The following FGR variants were observed in gnomAD, a reference collection of about 807,000 sequenced individuals.
FGR encodes FGR proto-oncogene, Src family tyrosine kinase.
In FGR, 26 loss-of-function variants were observed where a neutral mutation model predicts 63.2. The ratio of observed to expected loss-of-function variants is 0.41; its 90% confidence interval spans 0.30 to 0.57. FGR has a LOEUF of 0.57. Ranked by LOEUF, FGR falls within the 20% of genes least tolerant of loss-of-function variation. FGR has a pLI of 0.27. For missense variants in FGR, 511 were observed against 690.8 expected (o/e 0.74, Z 2.92); for synonymous variants, 286 against 277.7 (o/e 1.03, Z -0.30).
chr1:27,627,520 A>G (rs1327965969), intron 1 of FGR, among the ~76,000 whole-genome samples: 8 of 152,096 alleles, frequency 5.3e-5, no homozygotes, highest in African/African-American at 1.9e-4. Context: ...TATAGCGCTT[A>G]CTATATGCGC....
At chr1:27,631,002 C>T (rs982824560) in intron 1 of FGR, among the ~76,000 whole-genome samples, 1 of 152,192 alleles carries the variant, frequency 6.6e-6, no homozygotes. Flanking sequence ...GGCTTCATGA[C>T]ATGTGGCTCT....
Position 27,613,133 on chromosome 1 carries a change from G to T in FGR, c.1382-11C>A, listed in dbSNP as rs2089727005. ...CCCGTTTATTCATGCCTGAAGGATG[G>T]GTCTCTGTCAGTCAAAGGGACAGCC... On this transcript the variant is annotated splice_polypyrimidine_tract_variant and intron_variant, in intron 12 of 12. Transcript: ENST00000374005. 1 of 1,612,852 alleles carries T rather than the reference G, an allele frequency of 6.2e-7. No individual in the cohort carries two copies. The highest frequency in any genetic ancestry group is 8.5e-7 in the Non-Finnish European group (1 of 1,179,000).
In FGR at chr1:27,617,168, C is replaced by T; in HGVS notation, c.532+25G>A. 1 of 1,609,438 alleles carries T rather than the reference C, an allele frequency of 6.2e-7. No homozygotes were observed. Among genetic ancestry groups the T allele is most frequent in the Non-Finnish European group, 8.5e-7 (1 of 1,175,858 alleles). Reference sequence around the variant, plus strand: ...CCCCAATGGCTGGGCCTCCCAGTCGCCTTGGGGCGTGGCACCACCCCTACC... The same window carrying T: ...CCCCAATGGCTGGGCCTCCCAGTCGTCTTGGGGCGTGGCACCACCCCTACC... On this transcript the variant is annotated intron_variant, in intron 6 of 12. Coordinates refer to ENST00000374005, the MANE Select transcript of FGR (RefSeq NM_005248.3). The surrounding 1 kb of genome is among the most constrained non-coding windows in gnomAD (Gnocchi z 4.5).
At chr1:27,625,343 C>T (rs1262315325) in intron 1 of FGR, among the ~76,000 whole-genome samples, 192 bp from the exon 2 acceptor site, 1 of 152,202 alleles carries the variant, frequency 6.6e-6, no homozygotes, top group Non-Finnish European at 1.5e-5. Flanking sequence ...AAACCACCCA[C>T]ACCAGCTCTC....
intron 4 of FGR, 41 bp downstream of exon 4, chr1:27,623,001 C>CA (rs748615895): frequency 7.0e-6 from 10 of 1,436,224 alleles, no homozygotes; most frequent in Non-Finnish European, 9.8e-6. Context: ...GTCCTGCTCC[C>CA]AGCCCAGGCA....
intron 5 of FGR, among the ~76,000 whole-genome samples, chr1:27,618,210 A>G (rs909703067): frequency 5.3e-5 from 8 of 152,144 alleles, no homozygotes; most frequent in African/African-American, 1.9e-4. Context: ...GGACGGAGGA[A>G]GTGTTGAGGG....
At chr1:27,630,050 AT>A (rs201309223) in intron 1 of FGR, among the ~76,000 whole-genome samples, 5,893 of 151,772 alleles carry the variant, frequency 0.039, 241 homozygotes, top group African/African-American at 0.11. Flanking sequence ...ACATTATGAG[AT>A]TTTTTTTGTG....
intron 2 of FGR, 57 bp downstream of exon 2, chr1:27,625,032 G>A (rs2089996512): frequency 1.3e-5 from 2 of 152,574 alleles, no homozygotes; most frequent in South Asian, 4.1e-4. Context: ...TGGGGTTCAG[G>A]AAGGCCACCC....
At chr1:27,613,694 CAAAAAAAA>C (rs56363244) in intron 11 of FGR, among the ~76,000 whole-genome samples, 20,770 of 74,140 alleles carry the variant, frequency 0.28, 2,025 homozygotes, top group Non-Finnish European at 0.37. Flanking sequence ...GACTCCATCT[CAAAAAAAA>C]AAAAAAAAAA....
intron 11 of FGR, among the ~76,000 whole-genome samples, chr1:27,613,651 C>T (rs1266072738): frequency 2.1e-5 from 3 of 145,708 alleles, no homozygotes; most frequent in East Asian, 4.0e-4. Flanking sequence ...AACCTGAGAT[C>T]GCACCACTGC....
At chr1:27,630,383 A>G (rs1257111040) in intron 1 of FGR, among the ~76,000 whole-genome samples, 1 of 152,138 alleles carries the variant, frequency 6.6e-6, no homozygotes, top group Non-Finnish European at 1.5e-5. Context: ...CTCATCAGCT[A>G]TCATTAGTGT....
intron 1 of FGR, among the ~76,000 whole-genome samples, chr1:27,628,274 G>A (rs546297326): frequency 1.8e-4 from 27 of 152,082 alleles, no homozygotes; most frequent in African/African-American, 6.0e-4. Context: ...CTCAAGACCA[G>A]GAGATAGAGG....
chr1:27,612,929 G>A lies in FGR; in HGVS notation c.1575C>T (p.Pro525=), dbSNP rs780353615. ...CCCGGACAGGCTATGTCTGATCCCCGGGCTGGTACTGTGGTTCAGCGGAGG... is the reference window on the plus strand; with the variant it reads ...CCCGGACAGGCTATGTCTGATCCCCAGGCTGGTACTGTGGTTCAGCGGAGG... ...YFTSAEPQYQ[P]GDQT The change falls in exon 13 of 13, where the codon CCC becomes CCT. Residue 525 remains proline (P), a synonymous_variant. Coordinates refer to ENST00000374005, the MANE Select transcript of FGR (RefSeq NM_005248.3). The A allele has an allele frequency of 2.3e-5, 37 of 1,613,660 alleles. No individual in the cohort carries two copies. In the East Asian group the frequency reaches 3.1e-4, roughly 14 times the overall value.
chr1:27,614,956 A>T (rs2089776283), intron 9 of FGR, 30 bp from the exon 10 acceptor site: 23 of 1,564,930 alleles, frequency 1.5e-5, no homozygotes, highest in Non-Finnish European at 1.9e-5. Flanking sequence ...TCAGCGGCAA[A>T]GCCCTACCCC....
Position 27,623,094 on chromosome 1 carries a change from C to G in FGR, c.277G>C (p.Glu93Gln). The change falls in exon 4 of 13, where the codon GAG becomes CAG. Residue 93 changes from glutamate to glutamine, a missense_variant. Transcript: ENST00000374005. ...IALYDYEARTEDDLTFTKGEK... is the reference protein window; with the variant it reads ...IALYDYEARTQDDLTFTKGEK... ...CCCTTGGTGAAGGTGAGGTCATCCTCAGTTCGAGCCTCATAGTCATACAGG... is the reference window on the plus strand; with the variant it reads ...CCCTTGGTGAAGGTGAGGTCATCCTGAGTTCGAGCCTCATAGTCATACAGG... 3 of 1,614,184 alleles carry G rather than the reference C, an allele frequency of 1.9e-6. No homozygotes were observed. Among genetic ancestry groups the G allele is most frequent in the Non-Finnish European group, 2.5e-6 (3 of 1,180,018 alleles).
intron 10 of FGR, 47 bp downstream of exon 10, chr1:27,614,803 G>C (rs748419059): frequency 6.6e-7 from 1 of 1,519,424 alleles, no homozygotes; most frequent in South Asian, 1.2e-5. Context: ...TTTGTGAACA[G>C]TTAATAGGTG....
In FGR at chr1:27,615,486, G is replaced by A; in HGVS notation, c.966C>T (p.Tyr322=). ...LLRHDKLVQL[Y]AVVSEEPIYI... ...AGATGGGCTCCTCCGACACCACGGC[G>A]TACAGCTGCACCAGCTTGTCGTGCC... The change falls in exon 9 of 13, where the codon TAC becomes TAT. Residue 322 remains tyrosine (Y), a synonymous_variant. Coordinates refer to ENST00000374005, the MANE Select transcript of FGR (RefSeq NM_005248.3). The surrounding 1 kb of genome is among the most constrained non-coding windows in gnomAD (Gnocchi z 7.6). 1 of 1,613,028 alleles carries A rather than the reference G, an allele frequency of 6.2e-7. No individual in the cohort carries two copies. Among genetic ancestry groups the A allele is most frequent in the Non-Finnish European group, 8.5e-7 (1 of 1,179,066 alleles).
rs368600484 is a variant in FGR at position 27,613,350 on chromosome 1, C to T, written c.1250G>A (p.Gly417Asp). 6.2e-7 allele frequency: 1 copy of T among 1,613,688 alleles called. No homozygotes were observed. The highest frequency in any genetic ancestry group is 8.5e-7 in the Non-Finnish European group (1 of 1,179,846). Reference sequence around the variant, plus strand: ...TGTCCACTTGATGGGGAACTTGGAACCTGGAGAAGATGGGGGAGCAGGGAA... The same window carrying T: ...TGTCCACTTGATGGGGAACTTGGAATCTGGAGAAGATGGGGGAGCAGGGAA... ...IKDDEYNPCQ[G>D]SKFPIKWTAP... is the part of the protein sequence containing the mutation. Residue 417 changes from glycine (G) to aspartate (D), a missense_variant and splice_region_variant, in exon 12 of 13, where the codon GGT (glycine) becomes GAT (aspartate). Gly to Asp is a moderately conservative substitution (Grantham distance 94, BLOSUM62 -1). Transcript: ENST00000374005.
chr1:27,619,524 C>A (rs1356736738), intron 5 of FGR, among the ~76,000 whole-genome samples: 2 of 152,180 alleles, frequency 1.3e-5, no homozygotes, highest in Non-Finnish European at 2.9e-5. Flanking sequence ...CATCTTTACT[C>A]TCATGAGTCC....
Sources: allele counts gnomAD v4.1 joint callset (sites outside exome capture counted in the v4.1 genomes callset), GRCh38; gene constraint gnomAD v4.1.1; non-coding constraint Gnocchi (gnomAD v3.1); transcripts MANE v1.5; gene names NCBI Gene and HGNC (gene_info 2026-07-23, HGNC 2026-07-21).